The following RHO variants were observed in gnomAD, a reference collection of about 807,000 sequenced individuals.
RHO encodes rhodopsin, also known as opsin 2, rod pigment.
In RHO, 21 loss-of-function variants were observed where a neutral mutation model predicts 31.2. The ratio of observed to expected loss-of-function variants is 0.67; its 90% CI spans 0.48 to 0.97. RHO has a LOEUF of 0.97. Ranked by LOEUF, RHO falls within the 50% of genes least tolerant of loss-of-function variation. The probability of loss-of-function intolerance (pLI) is 0.00; values close to 1 mark genes in which losing one functional copy is unlikely to be tolerated. For missense variants in RHO, 414 were observed against 479.5 expected (o/e 0.86, Z 1.28); for synonymous variants, 211 against 196.6 (o/e 1.07, Z -0.61).
chr3:129,530,003 G>A (rs534820968), intron 1 of RHO, among the ~76,000 whole-genome samples: 5 of 152,328 alleles, frequency 3.3e-5, no homozygotes, highest in African/African-American at 1.2e-4. Flanking sequence ...CTTACCGCCA[G>A]CCACAAGCGT....
chr3:129,528,982 C>T lies in RHO; in HGVS notation c.249C>T (p.Asp83=), dbSNP rs1284225815. The T allele has an allele frequency of 6.2e-7, 1 of 1,614,138 alleles. No homozygotes were observed. The highest frequency in any genetic ancestry group is 1.3e-5 in the African/African-American group (1 of 74,950). ...NYILLNLAVA[D]LFMVLGGFTS... ...TCCTGCTCAACCTAGCCGTGGCTGACCTCTTCATGGTCCTAGGTGGCTTCA... is the reference window on the plus strand; with the variant it reads ...TCCTGCTCAACCTAGCCGTGGCTGATCTCTTCATGGTCCTAGGTGGCTTCA... Residue 83 remains aspartate (D), a synonymous_variant, in exon 1 of 5, where the codon GAC becomes GAT. Coordinates refer to ENST00000296271, the MANE Select transcript of RHO (RefSeq NM_000539.3).
rs747582133 is a variant in RHO at position 129,533,563 on chromosome 3, C to T, written c.937-45C>T. 1.1e-5 allele frequency: 16 copies of T among 1,424,592 alleles called. No homozygotes were observed. The East Asian group carries it at 3.6e-4, about 32-fold the overall frequency. 88.2% of individuals were successfully genotyped at this position (1,424,592 alleles called of 1,614,324 possible). A position where few individuals can be genotyped will look rare whatever the true frequency, so the allele number is the denominator to read the frequency against. ...CTCACTAACGTGCCAGTTCCAAGCA[C>T]ACTGTGGGCAGCCCTGGCCCTGACT... is the stretch of plus-strand genomic sequence containing the variant. On this transcript the variant is annotated intron_variant, in intron 4 of 4. Transcript: ENST00000296271.
rs772316842 is a variant in RHO at position 129,533,741 on chromosome 3, C to T, written c.*23C>T. On this transcript the variant is annotated 3_prime_UTR_variant, in exon 5 of 5. Coordinates refer to ENST00000296271, the MANE Select transcript of RHO (RefSeq NM_000539.3). ...TAAGACCTGCCTAGGACTCTGTGGC[C>T]GACTATAGGCGTCTCCCATCCCCTA... 32 of 1,495,006 alleles carry T rather than the reference C, an allele frequency of 2.1e-5. No homozygotes were observed. The highest frequency in any genetic ancestry group is 1.7e-4 in the Middle Eastern group (1 of 5,824). 92.6% of individuals were successfully genotyped at this position (1,495,006 alleles called of 1,614,324 possible).
chr3:129,529,912 G>A (rs1301998520), intron 1 of RHO, among the ~76,000 whole-genome samples: 1 of 152,176 alleles, frequency 6.6e-6, no homozygotes, highest in African/African-American at 2.4e-5. Context: ...AGGTCTCCTG[G>A]CTGTGATCCA....
chr3:129,532,322 A>G lies in RHO; in HGVS notation c.602A>G (p.Glu201Gly). ...ACGCTCAAGCCGGAGGTCAACAACG[A>G]GTCTTTTGTCATCTACATGTTCGTG... ...YYTLKPEVNNESFVIYMFVVH... is the reference protein window; with the variant it reads ...YYTLKPEVNNGSFVIYMFVVH... Residue 201 changes from glutamate (E) to glycine (G), a missense_variant, in exon 3 of 5, where the codon GAG becomes GGG. Transcript: ENST00000296271. The surrounding 1 kb of genome is among the most constrained non-coding windows in gnomAD (Gnocchi z 5.5). The G allele has an allele frequency of 6.2e-7, 1 of 1,613,712 alleles. No individual in the cohort carries two copies. The highest frequency in any genetic ancestry group is 8.5e-7 in the Non-Finnish European group (1 of 1,179,922).
chr3:129,532,903 C>T lies in RHO; in HGVS notation c.936+131C>T, dbSNP rs947197037. 4.1e-5 allele frequency: 49 copies of T among 1,205,574 alleles called. No homozygotes were observed. The highest frequency in any genetic ancestry group is 5.3e-4 in the Middle Eastern group (2 of 3,772). 74.7% of individuals were successfully genotyped at this position (1,205,574 alleles called of 1,614,324 possible). A position where few individuals can be genotyped will look rare whatever the true frequency, so the allele number is the denominator to read the frequency against. ...GGCAGCAGTCTTGGGTCAGCAGTCC[C>T]AATGGGGAGTGTGTGAGAAATGCAG... On this transcript the variant is annotated intron_variant, in intron 4 of 4. Coordinates refer to ENST00000296271, the MANE Select transcript of RHO (RefSeq NM_000539.3). The surrounding 1 kb of genome is among the most constrained non-coding windows in gnomAD (Gnocchi z 5.5).
chr3:129,530,855 C>T (rs369893168), intron 1 of RHO, 21 bp from the exon 2 acceptor site: 80 of 1,614,084 alleles, frequency 5.0e-5, no homozygotes, highest in Non-Finnish European at 6.1e-5. Context: ...CTGTGCTGAC[C>T]GCCTGCTGAC....
Position 129,532,747 on chromosome 3 carries a change from T to C in RHO, c.911T>C (p.Val304Ala). The change falls in exon 4 of 5, where the codon GTC (valine) becomes GCC (alanine). Residue 304 changes from valine to alanine, a missense_variant. By Grantham distance (64) the Val-to-Ala change is moderately conservative. Coordinates refer to ENST00000296271, the MANE Select transcript of RHO (RefSeq NM_000539.3). This position sits in a 1 kb window ranked among gnomAD's most constrained non-coding sequence, Gnocchi z 5.5. ...FAKSAAIYNP[V>A]IYIMMNKQFR... The stretch of plus-strand genomic sequence containing the variant: ...AAGAGCGCCGCCATCTACAACCCTG[T>C]CATCTATATCATGATGAACAAGCAG... The C allele has an allele frequency of 6.2e-7, 1 of 1,614,208 alleles. No individual in the cohort carries two copies.
intron 1 of RHO, 60 bp downstream of exon 1, chr3:129,529,154 A>T: frequency 6.4e-7 from 1 of 1,561,588 alleles, no homozygotes; most frequent in Non-Finnish European, 8.7e-7. Context: ...GGTCTGGGAG[A>T]GTCCCGGGCT....
chr3:129,531,891 G>A (rs1014751301), intron 2 of RHO, among the ~76,000 whole-genome samples: 7 of 152,148 alleles, frequency 4.6e-5, no homozygotes, highest in Non-Finnish European at 7.3e-5. Context: ...GGAAGACCTC[G>A]GTTTGTACAA....
intron 1 of RHO, among the ~76,000 whole-genome samples, chr3:129,530,062 G>A (rs1041822252): frequency 2.0e-5 from 3 of 152,176 alleles, no homozygotes; most frequent in Non-Finnish European, 4.4e-5. Flanking sequence ...CTGCTGCCTC[G>A]GTCCCATTCT....
rs1356947962 is a variant in RHO, at chr3:129,529,091, G to T, written c.358G>T (p.Gly120Cys). 1 of 1,612,026 alleles carries T rather than the reference G, an allele frequency of 6.2e-7. No homozygotes were observed. Among genetic ancestry groups the T allele is most frequent in the Non-Finnish European group, 8.5e-7 (1 of 1,178,906 alleles). ...TTTGGAGGGCTTCTTTGCCACCCTG[G>T]GCGGTATGAGCCGGGTGTGGGTGGG... ...CNLEGFFATL[G>C]GEIALWSLVV... Residue 120 changes from glycine to cysteine, a missense_variant, in exon 1 of 5, where the codon GGC (glycine) becomes TGC (cysteine). By Grantham distance (159) the Gly-to-Cys change is radical. Transcript: ENST00000296271.
chr3:129,532,308 G>A lies in RHO; in HGVS notation c.588G>A (p.Pro196=), dbSNP rs758901694. 8 of 1,614,022 alleles carry A rather than the reference G, an allele frequency of 5.0e-6. No homozygotes were observed. Among genetic ancestry groups the A allele is most frequent in the South Asian group, 4.4e-5 (4 of 91,072 alleles). Residue 196 remains proline, a synonymous_variant, in exon 3 of 5, where the codon CCG becomes CCA. Transcript: ENST00000296271. The surrounding 1 kb of genome is among the most constrained non-coding windows in gnomAD (Gnocchi z 5.5). ...SCGIDYYTLK[P]EVNNESFVIY... ...GAATCGACTACTACACGCTCAAGCCGGAGGTCAACAACGAGTCTTTTGTCA... is the reference window on the plus strand; with the variant it reads ...GAATCGACTACTACACGCTCAAGCCAGAGGTCAACAACGAGTCTTTTGTCA...
intron 4 of RHO, 148 bp from the exon 5 acceptor site, chr3:129,533,460 C>A: frequency 1.3e-6 from 1 of 742,396 alleles, no homozygotes; most frequent in Non-Finnish European, 2.4e-6. Context: ...CTAGCAGGTT[C>A]CCTCCAGGAA....
rs913483379 is a variant in RHO at position 129,532,433 on chromosome 3, G to A, written c.696+17G>A. 5 of 1,613,810 alleles carry A rather than the reference G, an allele frequency of 3.1e-6. No homozygotes were observed. The highest frequency in any genetic ancestry group is 4.2e-6 in the Non-Finnish European group (5 of 1,179,988). ...GTCAAGGAGGTACGGGCCGGGGGGTGGGCGGCCTCACGGCTCTGAGGGTCC... is the reference window on the plus strand; with the variant it reads ...GTCAAGGAGGTACGGGCCGGGGGGTAGGCGGCCTCACGGCTCTGAGGGTCC... On this transcript the variant is annotated intron_variant, in intron 3 of 4. Transcript: ENST00000296271. This position sits in a 1 kb window ranked among gnomAD's most constrained non-coding sequence, Gnocchi z 5.5.
chr3:129,531,146 G>A, intron 2 of RHO, 102 bp downstream of exon 2: 2 of 1,389,278 alleles, frequency 1.4e-6, no homozygotes, highest in Non-Finnish European at 2.0e-6. Context: ...CACTGACCTT[G>A]TATGTCTCCT....
At position 129,532,743 on chromosome 3, in the gene RHO, C is replaced by T. The variant is rs778356027; in HGVS notation, c.907C>T (p.Pro303Ser). Residue 303 changes from proline (P) to serine (S), a missense_variant, in exon 4 of 5, where the codon CCT becomes TCT. Coordinates refer to ENST00000296271, the MANE Select transcript of RHO (RefSeq NM_000539.3). This position sits in a 1 kb window ranked among gnomAD's most constrained non-coding sequence, Gnocchi z 5.5. ...FFAKSAAIYNPVIYIMMNKQF... is the reference protein window; with the variant it reads ...FFAKSAAIYNSVIYIMMNKQF... ...TGCCAAGAGCGCCGCCATCTACAAC[C>T]CTGTCATCTATATCATGATGAACAA... The T allele has an allele frequency of 1.2e-6, 2 of 1,614,260 alleles. No homozygotes were observed. The highest frequency in any genetic ancestry group is 2.2e-5 in the South Asian group (2 of 91,092).
At chr3:129,529,881 G>A (rs1228399737) in intron 1 of RHO, among the ~76,000 whole-genome samples, 1 of 152,196 alleles carries the variant, frequency 6.6e-6, no homozygotes, top group African/African-American at 2.4e-5. Flanking sequence ...TAGGGATGTG[G>A]CCAGGCAGCA....
At chr3:129,529,646 T>TCTGC (rs2084762613) in intron 1 of RHO, among the ~76,000 whole-genome samples, 1 of 152,214 alleles carries the variant, frequency 6.6e-6, no homozygotes, top group Admixed American at 6.5e-5. Context: ...TCTGGCATCC[T>TCTGC]CTGCCTCCCC....
Sources: gnomAD v4.1 joint callset for allele counts (sites outside exome capture counted in the v4.1 genomes callset) on GRCh38, gnomAD v4.1.1 for gene constraint, Gnocchi (gnomAD v3.1) non-coding constraint, MANE v1.5 for transcripts, NCBI Gene and HGNC (gene_info 2026-07-23, HGNC 2026-07-21) for gene names.